ZNF236: variants seen among roughly 807,000 people sequenced by gnomAD.
ZNF236 encodes the protein zinc finger protein 236.
ZNF236 carries 50 observed loss-of-function variants against 191.2 expected under a neutral mutation model. That is an observed-to-expected ratio of 0.26 (90% CI 0.21 to 0.33). ZNF236 has a LOEUF of 0.33. Among genes scored for constraint, ZNF236 ranks in the 10% least tolerant of loss-of-function variants. The pLI is 1.00. For synonymous variants in ZNF236, 907 were observed against 928.8 expected (o/e 0.98, Z 0.43); for missense variants, 1,754 against 2,374.5 (o/e 0.74, Z 5.43).
chr18:76,864,154 G>C (rs1284316799), intron 3 of ZNF236, among the ~76,000 whole-genome samples: 1 of 150,546 alleles, frequency 6.6e-6, no homozygotes, highest in African/African-American at 2.4e-5. Flanking sequence ...TTTGGGGCTT[G>C]TCAGCCTCCA....
At chr18:76,884,453 C>G (rs1203710947) in intron 9 of ZNF236, among the ~76,000 whole-genome samples, 5 of 151,372 alleles carry the variant, frequency 3.3e-5, no homozygotes, top group African/African-American at 1.2e-4. Flanking sequence ...ATCTAGAAAT[C>G]ATGGTGAATG....
intron 3 of ZNF236, among the ~76,000 whole-genome samples, chr18:76,862,624 A>T (rs9973193): frequency 0.34 from 51,704 of 152,022 alleles, 9,145 homozygotes; most frequent in East Asian, 0.52. Context: ...AGAGTGTGTC[A>T]GTGGGTCCAC....
chr18:76,872,694 A>G (rs567147991), intron 5 of ZNF236, among the ~76,000 whole-genome samples: 1 of 152,320 alleles, frequency 6.6e-6, no homozygotes, highest in South Asian at 2.1e-4. Flanking sequence ...TGGTTATAAT[A>G]TTGTATTAGT....
At chr18:76,855,512 G>A (rs1976016575) in intron 3 of ZNF236, among the ~76,000 whole-genome samples, 1 of 152,144 alleles carries the variant, frequency 6.6e-6, no homozygotes, top group African/African-American at 2.4e-5. Flanking sequence ...TTAACTATGT[G>A]TCTTAAGTGT....
At chr18:76,924,169 T>G (rs1032748365) in intron 21 of ZNF236, among the ~76,000 whole-genome samples, 3 of 152,210 alleles carry the variant, frequency 2.0e-5, no homozygotes, top group Non-Finnish European at 4.4e-5. Flanking sequence ...GCTCCCTGTA[T>G]TTATCTCTTT....
At chr18:76,868,503 C>G (rs1470116503) in intron 3 of ZNF236, among the ~76,000 whole-genome samples, 182 bp from the exon 4 acceptor site, 1 of 152,172 alleles carries the variant, frequency 6.6e-6, no homozygotes, top group Non-Finnish European at 1.5e-5. Flanking sequence ...TTTGTATATT[C>G]AAATACATTT....
chr18:76,870,810 G>A (rs1482198757), intron 4 of ZNF236, among the ~76,000 whole-genome samples: 1 of 152,188 alleles, frequency 6.6e-6, no homozygotes, highest in Admixed American at 6.5e-5. Context: ...TGAGAAGCAG[G>A]AAGGTGGCTG....
intron 1 of ZNF236, among the ~76,000 whole-genome samples, chr18:76,846,982 G>C (rs188738060): frequency 2.0e-5 from 3 of 151,772 alleles, no homozygotes; most frequent in Non-Finnish European, 4.4e-5. Flanking sequence ...TTTCGCAGAG[G>C]GGGTATCACT....
At chr18:76,958,451 A>T (rs1968578112) in intron 28 of ZNF236, among the ~76,000 whole-genome samples, 2 of 152,218 alleles carry the variant, frequency 1.3e-5, no homozygotes, top group Non-Finnish European at 2.9e-5. Context: ...AAGGTTATAA[A>T]AGCTTTCCTT....
intron 9 of ZNF236, among the ~76,000 whole-genome samples, chr18:76,891,259 T>C (rs1977224605): frequency 1.3e-5 from 2 of 152,258 alleles, no homozygotes; most frequent in African/African-American, 4.8e-5. Flanking sequence ...GAAATATTTA[T>C]TTATATGTAT....
Position 76,928,119 on chromosome 18 carries a change from T to C in ZNF236, c.4594+13T>C. ...CTGACTATCTCCGGTTAGTAAGTTA[T>C]AATTTTAAACATCTTTTCACCCTGC... On this transcript the variant is annotated intron_variant, in intron 25 of 30. Coordinates refer to ENST00000320610, the MANE Select transcript of ZNF236 (RefSeq NM_001306089.2). 1 of 1,599,956 alleles carries C rather than the reference T, an allele frequency of 6.3e-7. No individual in the cohort carries two copies. Among genetic ancestry groups the C allele is most frequent in the Non-Finnish European group, 8.5e-7 (1 of 1,172,408 alleles).
In ZNF236 at chr18:76,919,753, C is replaced by T. The variant is rs776805943; in HGVS notation, c.3275-23C>T. ...AGGTTTTCTTCATTACGATTTTGAT[C>T]CCTTTTCCTTGATTTTGTGTAGACA... On this transcript the variant is annotated intron_variant, in intron 19 of 30. Transcript: ENST00000320610. This position sits in a 1 kb window ranked among gnomAD's most constrained non-coding sequence, Gnocchi z 5.3. The T allele has an allele frequency of 6.2e-7, 1 of 1,604,256 alleles. No individual in the cohort carries two copies. Among genetic ancestry groups the T allele is most frequent in the Non-Finnish European group, 8.5e-7 (1 of 1,172,004 alleles).
chr18:76,926,953 A>G, intron 22 of ZNF236, 84 bp from the exon 23 acceptor site: 2 of 1,488,962 alleles, frequency 1.3e-6, no homozygotes, highest in East Asian at 4.6e-5. Flanking sequence ...ATGTATTTAA[A>G]AATCCCTATG....
intron 27 of ZNF236, among the ~76,000 whole-genome samples, chr18:76,954,398 G>A (rs1262780946): frequency 1.3e-5 from 2 of 152,146 alleles, no homozygotes; most frequent in East Asian, 1.9e-4. Flanking sequence ...ACATTAGGTC[G>A]CTCCATAACT....
chr18:76,854,611 G>A (rs1165439073), intron 3 of ZNF236, among the ~76,000 whole-genome samples: 3 of 151,012 alleles, frequency 2.0e-5, no homozygotes, highest in Non-Finnish European at 2.9e-5. Context: ...TTGGCATCTG[G>A]ATTTAGCATA....
chr18:76,959,639 G>T, intron 28 of ZNF236, 48 bp from the exon 29 acceptor site: 1 of 1,555,046 alleles, frequency 6.4e-7, no homozygotes, highest in Non-Finnish European at 8.7e-7. Flanking sequence ...TTCTAGTCTC[G>T]AAAGCTGTTT....
At chr18:76,827,445 A>G (rs965723851) in intron 1 of ZNF236, among the ~76,000 whole-genome samples, 2 of 152,202 alleles carry the variant, frequency 1.3e-5, no homozygotes, top group Admixed American at 6.5e-5. Flanking sequence ...GTGGCCTCCC[A>G]AAGTGCTGAG....
chr18:76,829,209 TAGC>T, intron 1 of ZNF236, among the ~76,000 whole-genome samples: 1 of 152,172 alleles, frequency 6.6e-6, no homozygotes, highest in East Asian at 1.9e-4. Context: ...TTCAAGAAAG[TAGC>T]AGTGTTTTTC....
At position 76,947,501 on chromosome 18, in the gene ZNF236, T is replaced by C; in HGVS notation, c.4783-20T>C. On this transcript the variant is annotated intron_variant, in intron 26 of 30. Coordinates refer to ENST00000320610, the MANE Select transcript of ZNF236 (RefSeq NM_001306089.2). ...TTTGCTAAAGTTACAACTTCTGAAATAGTACTAATCTTTTGCCAGGGTCAG... is the reference window on the plus strand; with the variant it reads ...TTTGCTAAAGTTACAACTTCTGAAACAGTACTAATCTTTTGCCAGGGTCAG... The C allele has an allele frequency of 4.4e-6, 7 of 1,604,530 alleles. No homozygotes were observed. The highest frequency in any genetic ancestry group is 6.0e-6 in the Non-Finnish European group (7 of 1,176,306).
Sources: gnomAD v4.1 joint callset for allele counts (sites outside exome capture counted in the v4.1 genomes callset) on GRCh38, gnomAD v4.1.1 for gene constraint, Gnocchi (gnomAD v3.1) non-coding constraint, MANE v1.5 for transcripts, NCBI Gene and HGNC (gene_info 2026-07-23, HGNC 2026-07-21) for gene names.